FAM161B: variants seen among roughly 807,000 people sequenced by gnomAD.
The protein encoded by FAM161B is protein FAM161B.
FAM161B carries 46 observed loss-of-function variants against 61.5 expected under a neutral mutation model. The observed-to-expected ratio is 0.75, with a 90% CI of 0.59 to 0.96. FAM161B has a LOEUF of 0.96. Ranked by LOEUF, FAM161B falls within the 40% of genes least tolerant of loss-of-function variation. The pLI is 0.00. For synonymous variants in FAM161B, 284 were observed against 302.7 expected, an observed-to-expected ratio of 0.94 and a Z score of 0.64; for missense variants, 774 against 800.7, an observed-to-expected ratio of 0.97 and a Z score of 0.40.
chr14:73,949,983 C>T lies in FAM161B; in HGVS notation c.44G>A (p.Gly15Glu), dbSNP rs936353971. ...RPEGAPGGAE[G>E]SRQIFPPESF... ...CTTTTCTCTCCTCACCTGACGGCTC[C>T]CCTCCGCGCCTCCGGGGGCTCCCTC... The change falls in exon 1 of 9, where the codon GGG becomes GAG. Residue 15 changes from glycine (G) to glutamate (E), a missense_variant. By Grantham distance (98) the Gly-to-Glu change is moderately conservative. Transcript: ENST00000286544. 6.2e-7 allele frequency: 1 copy of T among 1,613,606 alleles called. No individual in the cohort carries two copies. The highest frequency in any genetic ancestry group is 8.5e-7 in the Non-Finnish European group (1 of 1,180,032).
chr14:73,947,372 T>G (rs1594779468), intron 1 of FAM161B, among the ~76,000 whole-genome samples: 2 of 114,790 alleles, frequency 1.7e-5, no homozygotes, highest in African/African-American at 3.4e-5. Context: ...GCAACAAGAG[T>G]GATGCTCCGT....
At chr14:73,935,644 A>C (rs1292536050) in intron 8 of FAM161B, among the ~76,000 whole-genome samples, 1 of 152,208 alleles carries the variant, frequency 6.6e-6, no homozygotes, top group Admixed American at 6.5e-5. Context: ...GTCAAAATAT[A>C]CATGATTTTT....
intron 5 of FAM161B, among the ~76,000 whole-genome samples, 165 bp from the exon 6 acceptor site, chr14:73,938,277 G>A (rs1478592491): frequency 1.3e-5 from 2 of 151,694 alleles, no homozygotes; most frequent in Non-Finnish European, 2.9e-5. Context: ...TGGCCAATAC[G>A]GTGAAACCCC....
At chr14:73,946,222 AG>A in intron 2 of FAM161B, 63 bp downstream of exon 2, 1 of 1,486,136 alleles carries the variant, frequency 6.7e-7, no homozygotes, top group East Asian at 2.3e-5. Context: ...GATGAAGCCC[AG>A]AGACACGATG....
intron 7 of FAM161B, among the ~76,000 whole-genome samples, chr14:73,936,545 A>T (rs1388878205): frequency 2.6e-5 from 4 of 152,252 alleles, no homozygotes; most frequent in Non-Finnish European, 4.4e-5. Context: ...GATGGTCTGC[A>T]TGTGGACCAG....
At chr14:73,944,290 G>A (rs2056044217) in intron 3 of FAM161B, 45 bp downstream of exon 3, 14 of 1,533,316 alleles carry the variant, frequency 9.1e-6, no homozygotes, top group Non-Finnish European at 1.2e-5. Flanking sequence ...TGGTGGGATT[G>A]GTTCCCCGAG....
the FAM161B span, among the ~76,000 whole-genome samples, chr14:73,925,708 G>C: frequency 2.6e-4 from 39 of 152,262 alleles, no homozygotes; most frequent in African/African-American, 8.7e-4. Flanking sequence ...GATTACAGGT[G>C]TGAGCTGCCG....
At position 73,940,962 on chromosome 14, in the gene FAM161B, ATG is replaced by A; in HGVS notation, c.1362_1363del (p.Ile455HisfsTer16). ...TTCCCTCTTCCTGGTGGCATCTGTG[ATG>A]TGCACAGGGAGAGTGTTGGCAGAGA... On this transcript the variant is annotated frameshift_variant, in exon 5 of 9. Transcript: ENST00000286544. LOFTEE classifies it high-confidence loss of function. The A allele has an allele frequency of 6.2e-7, 1 of 1,613,458 alleles. No individual in the cohort carries two copies. The highest frequency in any genetic ancestry group is 8.5e-7 in the Non-Finnish European group (1 of 1,179,604).
At position 73,932,341 on chromosome 14, in the gene FAM161B, C is replaced by T; in HGVS notation, c.*1915G>A. On this transcript the variant is annotated 3_prime_UTR_variant, in exon 9 of 9. Coordinates refer to ENST00000286544, the MANE Select transcript of FAM161B (RefSeq NM_152445.3). ...TAGAGATTAAGAATTTAATCTTTCC[C>T]TTTAAAATAGTGTATTGATTTACCC... 1 of 369,046 alleles carries T rather than the reference C, an allele frequency of 2.7e-6. No homozygotes were observed. The highest frequency in any genetic ancestry group is 2.0e-5 in the South Asian group (1 of 49,362). The allele number at this position is 369,046 out of a possible 1,614,324, so 22.9% of individuals were successfully genotyped here. A position where few individuals can be genotyped will look rare whatever the true frequency, so the allele number is the denominator to read the frequency against.
chr14:73,944,323 G>C lies in FAM161B; in HGVS notation c.925+12C>G. On this transcript the variant is annotated intron_variant, in intron 3 of 8. Transcript: ENST00000286544. ...GAGGCAGGAGGCAGCAAGGTGGCAA[G>C]GATGTCTTTACCCTGGAGTTTATCC... The C allele has an allele frequency of 6.4e-7, 1 of 1,558,488 alleles. No individual in the cohort carries two copies. The highest frequency in any genetic ancestry group is 8.7e-7 in the Non-Finnish European group (1 of 1,148,662).
chr14:73,927,089 A>ATT (rs113156661), downstream of FAM161B: 16,104 of 151,638 alleles, frequency 0.11, 1,226 homozygotes, highest in East Asian at 0.43. Context: ...GTTTATTATG[A>ATT]TTTTTTTTTT....
intron 7 of FAM161B, among the ~76,000 whole-genome samples, chr14:73,936,810 A>G (rs1249494291): frequency 6.6e-6 from 1 of 152,168 alleles, no homozygotes; most frequent in Non-Finnish European, 1.5e-5. Context: ...TGTACTAACT[A>G]TAAGATGGAG....
intron 5 of FAM161B, 82 bp from the exon 6 acceptor site, chr14:73,938,194 C>T: frequency 6.5e-7 from 1 of 1,529,248 alleles, no homozygotes; most frequent in Non-Finnish European, 8.9e-7. Context: ...TGTGGTGGCT[C>T]ACACTTGTAG....
At position 73,944,501 on chromosome 14, in the gene FAM161B, G is replaced by C. The variant is rs1466556605; in HGVS notation, c.759C>G (p.Leu253=). The part of the protein sequence containing the change: ...AGIQKRKELL[L]SSLKPFSFLE... ...GGAAGCTGAAGGGCTTCAAAGAAGA[G>C]AGGAGCAGTTCCTTCCTCTTCTGGA... The change falls in exon 3 of 9, where the codon CTC becomes CTG. Residue 253 remains leucine, a synonymous_variant. Coordinates refer to ENST00000286544, the MANE Select transcript of FAM161B (RefSeq NM_152445.3). 3 of 1,614,010 alleles carry C rather than the reference G, an allele frequency of 1.9e-6. No individual in the cohort carries two copies. Among genetic ancestry groups the C allele is most frequent in the African/African-American group, 1.3e-5 (1 of 74,914 alleles).
Position 73,944,494 on chromosome 14 carries a change from A to C in FAM161B, c.766T>G (p.Leu256Val). ...QKRKELLLSS[L>V]KPFSFLEKEE... ...TTCTCCAGGAAGCTGAAGGGCTTCAAAGAAGAGAGGAGCAGTTCCTTCCTC... is the reference window on the plus strand; with the variant it reads ...TTCTCCAGGAAGCTGAAGGGCTTCACAGAAGAGAGGAGCAGTTCCTTCCTC... The change falls in exon 3 of 9, where the codon TTG becomes GTG. Residue 256 changes from leucine (L) to valine (V), a missense_variant. By Grantham distance (32) the Leu-to-Val change is conservative (BLOSUM62 1). Coordinates refer to ENST00000286544, the MANE Select transcript of FAM161B (RefSeq NM_152445.3). 3 of 1,614,054 alleles carry C rather than the reference A, an allele frequency of 1.9e-6. No individual in the cohort carries two copies. The highest frequency in any genetic ancestry group is 2.5e-6 in the Non-Finnish European group (3 of 1,179,962).
chr14:73,945,710 T>C (rs1416178165), intron 2 of FAM161B, among the ~76,000 whole-genome samples: 1 of 152,102 alleles, frequency 6.6e-6, no homozygotes, highest in Non-Finnish European at 1.5e-5. Flanking sequence ...ATTAGAGGCG[T>C]AAACACGGTG....
In FAM161B at chr14:73,939,703, A is replaced by G. The variant is rs147506771; in HGVS notation, c.1400+1223T>C. On this transcript the variant is annotated intron_variant, in intron 5 of 8. Transcript: ENST00000286544. Reference sequence around the variant, plus strand: ...TGGAAATGAGCCTCCCTCAGTGCAGACTATTTGGGTTCAACTTGTAGCACT... The same window carrying G: ...TGGAAATGAGCCTCCCTCAGTGCAGGCTATTTGGGTTCAACTTGTAGCACT... Among the ~76,000 whole-genome samples, 7 of 152,350 alleles carry G rather than the reference A, an allele frequency of 4.6e-5. 1 individual carries two copies. Among genetic ancestry groups the G allele is most frequent in the African/African-American group, 1.7e-4 (7 of 41,588 alleles).
chr14:73,941,672 A>G (rs1217133116), intron 4 of FAM161B, among the ~76,000 whole-genome samples: 2 of 152,150 alleles, frequency 1.3e-5, no homozygotes, highest in Admixed American at 1.3e-4. Flanking sequence ...ATCCTTCTAC[A>G]GTAAGGGAGG....
downstream of FAM161B, chr14:73,931,406 C>A: frequency 9.6e-7 from 1 of 1,045,376 alleles, no homozygotes; most frequent in Non-Finnish European, 1.4e-6. Flanking sequence ...CCCTGTAGTG[C>A]ATTCTCCATC....
Sources: gnomAD v4.1 joint callset for allele counts (sites outside exome capture counted in the v4.1 genomes callset) on GRCh38, gnomAD v4.1.1 for gene constraint, MANE v1.5 for transcripts, NCBI Gene and HGNC (gene_info 2026-07-23, HGNC 2026-07-21) for gene names.